EPB41L2: variants seen among roughly 807,000 people sequenced by gnomAD.
The protein encoded by EPB41L2 is erythrocyte membrane protein band 4.1 like 2.
EPB41L2 carries 43 observed loss-of-function variants against 113.0 expected under a neutral mutation model. The ratio of observed to expected loss-of-function variants is 0.38; its 90% CI spans 0.30 to 0.49. The LOEUF (loss-of-function observed/expected upper bound fraction) is 0.49. Among genes scored for constraint, EPB41L2 ranks in the 20% least tolerant of loss-of-function variants. The pLI is 0.95. For missense variants in EPB41L2, 1,147 were observed against 1,223.4 expected, an observed-to-expected ratio of 0.94 and a Z score of 0.93; for synonymous variants, 442 against 436.7, an observed-to-expected ratio of 1.01 and a Z score of -0.15.
At chr6:130,885,838 TC>T (rs1326946473) in intron 11 of EPB41L2, among the ~76,000 whole-genome samples, 2 of 152,194 alleles carry the variant, frequency 1.3e-5, no homozygotes, top group Non-Finnish European at 1.5e-5. Context: ...TATTTTTTAA[TC>T]CCCTTCCTCA....
At chr6:131,029,411 A>AAAAAAAAT (rs1791591826) in intron 1 of EPB41L2, among the ~76,000 whole-genome samples, 1 of 151,528 alleles carries the variant, frequency 6.6e-6, no homozygotes. Context: ...AAAAAAAAAA[A>AAAAAAAAT]AAAGCATGCT....
intron 3 of EPB41L2, among the ~76,000 whole-genome samples, chr6:130,940,430 G>C (rs1032189672): frequency 6.6e-6 from 1 of 151,798 alleles, no homozygotes; most frequent in African/African-American, 2.4e-5. Flanking sequence ...TAATAGGTTA[G>C]GTTAGGGTAT....
At chr6:130,940,802 C>A (rs879915325) in intron 3 of EPB41L2, among the ~76,000 whole-genome samples, 7 of 152,102 alleles carry the variant, frequency 4.6e-5, no homozygotes, top group African/African-American at 1.7e-4. Context: ...CCAAAAGTTT[C>A]TCCTCAGTGA....
intron 1 of EPB41L2, among the ~76,000 whole-genome samples, chr6:130,977,925 C>T (rs139617721): frequency 7.0e-4 from 106 of 152,280 alleles, no homozygotes; most frequent in African/African-American, 2.4e-3. Flanking sequence ...TTCATCTACG[C>T]CTTTTCCCCT....
At chr6:131,022,424 C>T (rs1478683706) in intron 1 of EPB41L2, among the ~76,000 whole-genome samples, 1 of 152,050 alleles carries the variant, frequency 6.6e-6, no homozygotes, top group African/African-American at 2.4e-5. Context: ...TATAGATAAC[C>T]CTCCACCAGC....
chr6:131,051,303 G>A (rs1029809729), intron 1 of EPB41L2, among the ~76,000 whole-genome samples: 23 of 152,026 alleles, frequency 1.5e-4, no homozygotes, highest in African/African-American at 3.9e-4. Context: ...TGTGAGTACC[G>A]TGGCAATCTT....
At chr6:130,887,261 T>C (rs779358738) in intron 11 of EPB41L2, among the ~76,000 whole-genome samples, 12 of 152,220 alleles carry the variant, frequency 7.9e-5, no homozygotes, top group Non-Finnish European at 1.3e-4. Flanking sequence ...CTGAGAAGCT[T>C]GTAGGCCCTG....
At chr6:130,995,378 C>T (rs966454671) in intron 1 of EPB41L2, among the ~76,000 whole-genome samples, 1 of 152,166 alleles carries the variant, frequency 6.6e-6, no homozygotes, top group African/African-American at 2.4e-5. Flanking sequence ...GTGGCTCATG[C>T]CTGTAATCCC....
At position 130,908,948 on chromosome 6, in the gene EPB41L2, G is replaced by A. The variant is rs1354808396; in HGVS notation, c.811-85C>T. On this transcript the variant is annotated intron_variant, in intron 4 of 19. Transcript: ENST00000337057. ...TTACAGTTCACATAATTATTTAAGT[G>A]TAAACACATTTTAATAAAGTATTAT... The A allele has an allele frequency of 5.1e-5, 55 of 1,087,864 alleles. No individual in the cohort carries two copies. In the South Asian group the frequency reaches 7.0e-4, roughly 14 times the overall value. The allele number at this position is 1,087,864 out of a possible 1,614,324, so 67.4% of individuals were successfully genotyped here.
At chr6:131,001,224 C>G (rs577683663) in intron 1 of EPB41L2, among the ~76,000 whole-genome samples, 154 of 152,236 alleles carry the variant, frequency 1.0e-3, no homozygotes, top group African/African-American at 3.5e-3. Context: ...GTCACGTCTA[C>G]GTCCTGACAC....
intron 3 of EPB41L2, among the ~76,000 whole-genome samples, chr6:130,954,040 C>CTTTCTTTTCTTTTT (rs1816373036): frequency 1.7e-5 from 1 of 58,850 alleles, no homozygotes; most frequent in Non-Finnish European, 3.3e-5. Flanking sequence ...CCTTTTCTTT[C>CTTTCTTTTCTTTTT]TTTTTTTTTT....
chr6:131,058,341 C>G (rs1649996085), intron 1 of EPB41L2, among the ~76,000 whole-genome samples: 1 of 152,054 alleles, frequency 6.6e-6, no homozygotes, highest in South Asian at 2.1e-4. Context: ...TTAATACTAT[C>G]CCAACACCAT....
At chr6:131,023,759 A>T (rs1425404224) in intron 1 of EPB41L2, among the ~76,000 whole-genome samples, 1 of 79,568 alleles carries the variant, frequency 1.3e-5, no homozygotes, top group African/African-American at 5.4e-5. Context: ...ATATATAGAT[A>T]TATAGATATA....
chr6:130,954,194 T>A (rs1433693488), intron 3 of EPB41L2, among the ~76,000 whole-genome samples: 2 of 151,434 alleles, frequency 1.3e-5, no homozygotes, highest in South Asian at 2.1e-4. Flanking sequence ...CTGGGAATAC[T>A]GGCGCCCGCC....
chr6:130,954,160 C>G (rs1816557795), intron 3 of EPB41L2, among the ~76,000 whole-genome samples: 1 of 148,394 alleles, frequency 6.7e-6, no homozygotes, highest in South Asian at 2.2e-4. Context: ...TCACGCCATT[C>G]TCCTGCCTCA....
intron 1 of EPB41L2, among the ~76,000 whole-genome samples, chr6:130,978,060 C>G (rs1778572194): frequency 6.6e-6 from 1 of 152,174 alleles, no homozygotes; most frequent in Non-Finnish European, 1.5e-5. Context: ...AAAATTCTAT[C>G]CCTACCTAAC....
At chr6:130,997,049 A>G (rs886774986) in intron 1 of EPB41L2, among the ~76,000 whole-genome samples, 2 of 152,236 alleles carry the variant, frequency 1.3e-5, no homozygotes, top group African/African-American at 4.8e-5. Context: ...CCAAAAACAC[A>G]GAGGTACATT....
chr6:130,917,711 A>G (rs1459025732), intron 4 of EPB41L2, among the ~76,000 whole-genome samples: 4 of 152,194 alleles, frequency 2.6e-5, no homozygotes, highest in Non-Finnish European at 5.9e-5. Context: ...TCCTGAATAA[A>G]GTCTGCCTTA....
In EPB41L2 at chr6:131,018,881, T is replaced by C. The variant is rs571597784; in HGVS notation, c.-15+44274A>G. On this transcript the variant is annotated intron_variant, in intron 1 of 19. Coordinates refer to ENST00000337057, the MANE Select transcript of EPB41L2 (RefSeq NM_001431.4). ...ATTAAGTTTCTAGGCTTGTATCCGT[T>C]CAAATCAGGTTTACTGGTGTAATTC... Among the ~76,000 whole-genome samples, 4 of 152,322 alleles carry C rather than the reference T, an allele frequency of 2.6e-5. No homozygotes were observed. The South Asian group carries it at 8.3e-4, about 32-fold the overall frequency.
Sources: allele counts gnomAD v4.1 joint callset (sites outside exome capture counted in the v4.1 genomes callset), GRCh38; gene constraint gnomAD v4.1.1; transcripts MANE v1.5; gene names NCBI Gene and HGNC (gene_info 2026-07-23, HGNC 2026-07-21).